DLGAP4: variants seen among roughly 807,000 people sequenced by gnomAD.
The protein encoded by DLGAP4 is DLG associated protein 4.
In DLGAP4, 18 loss-of-function variants were observed where a neutral mutation model predicts 86.9. That is an observed-to-expected ratio of 0.21 (90% CI 0.14 to 0.31). The LOEUF is 0.31. Ranked by LOEUF, DLGAP4 falls within the 10% of genes least tolerant of loss-of-function variation. The probability of loss-of-function intolerance (pLI) is 1.00; values close to 1 mark genes in which losing one functional copy is unlikely to be tolerated. For missense variants in DLGAP4, 1,085 were observed against 1,362.6 expected (o/e 0.80, Z 3.21); for synonymous variants, 548 against 574.3 (o/e 0.95, Z 0.65).
intron 7 of DLGAP4, among the ~76,000 whole-genome samples, chr20:36,476,597 G>A (rs2034938965): frequency 6.6e-6 from 1 of 151,278 alleles, no homozygotes; most frequent in Admixed American, 6.6e-5. Context: ...CCAAAGTGTT[G>A]GGATTACAGG....
intron 2 of DLGAP4, among the ~76,000 whole-genome samples, chr20:36,419,321 G>A (rs1475182913): frequency 1.3e-5 from 2 of 151,694 alleles, no homozygotes; most frequent in Admixed American, 1.3e-4. Flanking sequence ...GTAGAGATGG[G>A]GTCCTCGTTA....
At chr20:36,461,662 CGCCCGGCCCGGCCCGGCCCTG>C in intron 7 of DLGAP4, 13 of 241,774 alleles carry the variant, frequency 5.4e-5, no homozygotes, top group Non-Finnish European at 7.4e-5. Context: ...GGGGCCGCCC[CGCCCGGCCCGGCCCGGCCCTG>C]CCCCGCCCCC....
intron 7 of DLGAP4, among the ~76,000 whole-genome samples, chr20:36,495,189 T>A (rs1301201099): frequency 1.3e-5 from 2 of 152,128 alleles, no homozygotes; most frequent in Admixed American, 1.3e-4. Context: ...AATGCCAATG[T>A]ATTTTCCATG....
chr20:36,495,016 GA>G (rs1260899476), intron 7 of DLGAP4, among the ~76,000 whole-genome samples: 2 of 111,892 alleles, frequency 1.8e-5, no homozygotes, highest in Admixed American at 1.0e-4. Context: ...TTTTGAGACG[GA>G]ATTTCGCTCT....
At chr20:36,326,996 CTTTTTTT>C (rs377378667) in intron 1 of DLGAP4, among the ~76,000 whole-genome samples, 22 of 99,480 alleles carry the variant, frequency 2.2e-4, no homozygotes, top group African/African-American at 4.0e-4. Context: ...AAGATTTTCT[CTTTTTTT>C]TTTTTTTTTT....
chr20:36,441,931 C>T (rs955427345), intron 5 of DLGAP4, among the ~76,000 whole-genome samples: 2 of 152,166 alleles, frequency 1.3e-5, no homozygotes, highest in Admixed American at 6.6e-5. Context: ...GGCTGGGGGC[C>T]GCAGCAGGTC....
intron 2 of DLGAP4, among the ~76,000 whole-genome samples, chr20:36,386,995 T>C (rs928771357): frequency 2.0e-5 from 3 of 152,232 alleles, no homozygotes; most frequent in African/African-American, 7.2e-5. Context: ...CACATCCTCC[T>C]GCCGGTGGAT....
At chr20:36,515,992 C>A (rs2037014153) in intron 10 of DLGAP4, among the ~76,000 whole-genome samples, 1 of 152,190 alleles carries the variant, frequency 6.6e-6, no homozygotes. Context: ...TTGATAAGAT[C>A]TTCTCAACTG....
intron 7 of DLGAP4, among the ~76,000 whole-genome samples, chr20:36,466,760 A>G (rs552063067): frequency 1.3e-5 from 2 of 152,342 alleles, no homozygotes; most frequent in East Asian, 3.9e-4. Context: ...CTAGGATCCC[A>G]GAGCAAGACT....
At chr20:36,498,943 C>G in intron 8 of DLGAP4, 1 of 358,426 alleles carries the variant, frequency 2.8e-6, no homozygotes, top group South Asian at 3.1e-5. Context: ...CCTACTGCTC[C>G]CCAGGGCCAC....
intron 1 of DLGAP4, among the ~76,000 whole-genome samples, chr20:36,351,966 A>G (rs1410653982): frequency 6.6e-6 from 1 of 152,278 alleles, no homozygotes; most frequent in African/African-American, 2.4e-5. Context: ...CAAAACGACC[A>G]GGACAAAGTG....
chr20:36,337,686 C>T (rs1373228804), intron 1 of DLGAP4, among the ~76,000 whole-genome samples: 2 of 152,122 alleles, frequency 1.3e-5, no homozygotes, highest in Non-Finnish European at 2.9e-5. Context: ...GCGGGTGCTT[C>T]CCCCCCAGGA....
Position 36,500,619 on chromosome 20 carries a change from C to T in DLGAP4, c.2512+8C>T, listed in dbSNP as rs199893445. ...ACAACCTCTCTGAAGAAGGTGGGTG[C>T]CACATGGATGGTCCTTGGGCAAGGG... is the stretch of plus-strand genomic sequence containing the variant. On this transcript the variant is annotated splice_region_variant and intron_variant, in intron 10 of 12. Coordinates refer to ENST00000339266, the MANE Select transcript of DLGAP4 (RefSeq NM_001365621.2). The surrounding 1 kb of genome is among the most constrained non-coding windows in gnomAD (Gnocchi z 4.6). The T allele has an allele frequency of 2.7e-6, 4 of 1,483,074 alleles. No individual in the cohort carries two copies. The highest frequency in any genetic ancestry group is 3.6e-6 in the Non-Finnish European group (4 of 1,116,450). The allele number at this position is 1,483,074 out of a possible 1,614,324, so 91.9% of individuals were successfully genotyped here. A position where few individuals can be genotyped will look rare whatever the true frequency, so the allele number is the denominator to read the frequency against.
intron 2 of DLGAP4, among the ~76,000 whole-genome samples, chr20:36,398,950 T>C (rs1272331237): frequency 6.6e-6 from 1 of 152,158 alleles, no homozygotes; most frequent in African/African-American, 2.4e-5. Flanking sequence ...CCCAGCACTT[T>C]GGGAGGCTGA....
At position 36,350,487 on chromosome 20, in the gene DLGAP4, G is replaced by C. The variant is rs1456756387; in HGVS notation, c.-303-16558G>C. On this transcript the variant is annotated intron_variant, in intron 1 of 12. Coordinates refer to ENST00000339266, the MANE Select transcript of DLGAP4 (RefSeq NM_001365621.2). This position sits in a 1 kb window ranked among gnomAD's most constrained non-coding sequence, Gnocchi z 4.4. Reference sequence around the variant, plus strand: ...CTTCCTTCAATATCTCAATTTGCAGGTGCTTAATGAAAATGCATGCCTCAC... The same window carrying C: ...CTTCCTTCAATATCTCAATTTGCAGCTGCTTAATGAAAATGCATGCCTCAC... 6.6e-6 allele frequency among the ~76,000 whole-genome samples: 1 copy of C among 152,186 alleles called. No homozygotes were observed. Among genetic ancestry groups the C allele is most frequent in the African/African-American group, 2.4e-5 (1 of 41,440 alleles).
rs995229302 is a variant in DLGAP4, at chr20:36,498,920, G to A, written c.2011-668G>A. 31 of 297,764 alleles carry A rather than the reference G, an allele frequency of 1.0e-4. No individual in the cohort carries two copies. In the East Asian group the frequency reaches 2.3e-3, roughly 22 times the overall value. The allele number at this position is 297,764 out of a possible 1,614,324, so 18.4% of individuals were successfully genotyped here. A position where few individuals can be genotyped will look rare whatever the true frequency, so the allele number is the denominator to read the frequency against. On this transcript the variant is annotated intron_variant, in intron 8 of 12. Transcript: ENST00000339266. ...GAGTGACAGCTTTCCACTTGGCCCT[G>A]ACCCCAGTCCTTCCTACTGCTCCCC...
chr20:36,410,314 G>T (rs1447786941), intron 2 of DLGAP4, among the ~76,000 whole-genome samples: 1 of 152,148 alleles, frequency 6.6e-6, no homozygotes, highest in Non-Finnish European at 1.5e-5. Context: ...GGGTGGAAGT[G>T]CTGGGGTGTT....
intron 1 of DLGAP4, among the ~76,000 whole-genome samples, chr20:36,365,155 C>T (rs1233975982): frequency 6.6e-6 from 1 of 152,190 alleles, no homozygotes; most frequent in Non-Finnish European, 1.5e-5. Context: ...GTTCTGTCAG[C>T]AAGGAAGAGG....
At chr20:36,467,674 T>C (rs898347293) in intron 7 of DLGAP4, among the ~76,000 whole-genome samples, 2 of 152,056 alleles carry the variant, frequency 1.3e-5, no homozygotes, top group East Asian at 1.9e-4. Context: ...GAAGAGCCAA[T>C]TGGGGTAGCA....
Sources: allele counts gnomAD v4.1 joint callset (sites outside exome capture counted in the v4.1 genomes callset), GRCh38; gene constraint gnomAD v4.1.1; non-coding constraint Gnocchi (gnomAD v3.1); transcripts MANE v1.5; gene names NCBI Gene and HGNC (gene_info 2026-07-23, HGNC 2026-07-21).